DIAPH2: variants seen among roughly 807,000 people sequenced by gnomAD.
DIAPH2 encodes diaphanous related formin 2.
In DIAPH2, 35 loss-of-function variants were observed where a neutral mutation model predicts 92.7. The observed-to-expected ratio is 0.38, with a 90% CI of 0.29 to 0.50. The LOEUF (loss-of-function observed/expected upper bound fraction) is 0.50, where lower values mean the gene tolerates loss of function less well. Among genes scored for constraint, DIAPH2 ranks in the 20% least tolerant of loss-of-function variants. The probability of loss-of-function intolerance (pLI) is 0.94; values close to 1 mark genes in which losing one functional copy is unlikely to be tolerated. For synonymous variants in DIAPH2, 301 were observed against 280.4 expected (o/e 1.07, Z -0.73); for missense variants, 701 against 819.5 (o/e 0.86, Z 1.77).
At chrX:96,700,766 C>A (rs1383234991) in intron 1 of DIAPH2, among the ~76,000 whole-genome samples, 2 of 111,858 alleles carry the variant, frequency 1.8e-5, no homozygotes, top group Non-Finnish European at 3.8e-5. Context: ...ACTTGCTTCA[C>A]TTATCACCAG....
At chrX:96,833,957 C>T (rs184241374) in intron 4 of DIAPH2, among the ~76,000 whole-genome samples, 186 of 111,522 alleles carry the variant, frequency 1.7e-3, no homozygotes, top group African/African-American at 6.0e-3. Flanking sequence ...CCACCACGCC[C>T]GGCCAGGGGT....
intron 17 of DIAPH2, among the ~76,000 whole-genome samples, chrX:96,973,233 C>A (rs1036543007): frequency 9.0e-6 from 1 of 111,472 alleles, no homozygotes; most frequent in African/African-American, 3.3e-5. Context: ...CGTCGTGACT[C>A]ATGCCTATAA....
intron 26 of DIAPH2, among the ~76,000 whole-genome samples, chrX:97,524,920 A>G (rs1239534594): frequency 1.8e-5 from 2 of 112,432 alleles, no homozygotes; most frequent in Non-Finnish European, 3.8e-5. Flanking sequence ...TAAGGCTTGC[A>G]TAATGAAATG....
chrX:97,334,387 C>T (rs1452998529), intron 23 of DIAPH2, among the ~76,000 whole-genome samples: 374 of 81,954 alleles, frequency 4.6e-3, no homozygotes, highest in African/African-American at 5.4e-3. Context: ...GGCGTGAACC[C>T]GGGAGGCGGA....
intron 23 of DIAPH2, among the ~76,000 whole-genome samples, chrX:97,287,401 T>G (rs1489479255): frequency 8.9e-6 from 1 of 111,971 alleles, no homozygotes; most frequent in Non-Finnish European, 1.9e-5. Flanking sequence ...CACGTTTTTC[T>G]ATCTACTGTT....
intron 17 of DIAPH2, among the ~76,000 whole-genome samples, chrX:97,050,509 T>A (rs760453040): frequency 4.6e-5 from 5 of 108,386 alleles, no homozygotes; most frequent in Non-Finnish European, 9.7e-5. Context: ...TTTTTTTGTT[T>A]TTTTTTTTTT....
chrX:97,394,877 A>G (rs2069690614), intron 25 of DIAPH2, among the ~76,000 whole-genome samples: 1 of 111,583 alleles, frequency 9.0e-6, no homozygotes, highest in African/African-American at 3.3e-5. Flanking sequence ...CCTGTGATTG[A>G]AATGAGTTTA....
chrX:96,958,610 G>A (rs980475547), intron 16 of DIAPH2, among the ~76,000 whole-genome samples: 8 of 111,217 alleles, frequency 7.2e-5, no homozygotes, highest in Admixed American at 5.7e-4. Context: ...TAGTTATTTT[G>A]AAATATACAA....
At position 97,537,977 on chromosome X, in the gene DIAPH2, C is replaced by T. The variant is rs1376968846; in HGVS notation, c.3242-61276C>T. Among the ~76,000 whole-genome samples the T allele has an allele frequency of 7.4e-5, 8 of 107,625 alleles. No homozygotes were observed. In the East Asian group the frequency reaches 2.0e-3, roughly 27 times the overall value. The allele number at this position is 107,625 out of a possible 115,157, so 93.5% of individuals were successfully genotyped here. On this transcript the variant is annotated intron_variant, in intron 26 of 26. Transcript: ENST00000324765. ...TCGGCTCACTGCAAGCTCCGCCTCC[C>T]GGGTTCACGCCATTCTCCTGCCTCA...
chrX:96,714,779 A>G (rs1436424654), intron 1 of DIAPH2, among the ~76,000 whole-genome samples: 2 of 112,021 alleles, frequency 1.8e-5, no homozygotes, highest in African/African-American at 3.2e-5. Context: ...TTCCATAGTG[A>G]TTGATAACTA....
Position 97,390,835 on chromosome X carries a change from A to G in DIAPH2, c.3145+6791A>G, listed in dbSNP as rs1438878075. Among the ~76,000 whole-genome samples, 3 of 112,419 alleles carry G rather than the reference A, an allele frequency of 2.7e-5. No individual in the cohort carries two copies. In the Admixed American group the frequency reaches 2.8e-4, roughly 11 times the overall value. On this transcript the variant is annotated intron_variant, in intron 25 of 26. Transcript: ENST00000324765. The stretch of plus-strand genomic sequence containing the variant: ...CCTTTTCAAATGTCATTGAGACCGT[A>G]AGATAAATATCCAAATAAGTTTTTA...
intron 21 of DIAPH2, among the ~76,000 whole-genome samples, chrX:97,128,442 G>A (rs2067108752): frequency 9.0e-6 from 1 of 111,290 alleles, no homozygotes; most frequent in Admixed American, 9.5e-5. Context: ...TATCTCACCT[G>A]TGATTTCGAA....
At chrX:97,447,162 GT>G (rs2070318600) in intron 26 of DIAPH2, among the ~76,000 whole-genome samples, 1 of 110,747 alleles carries the variant, frequency 9.0e-6, no homozygotes, top group Non-Finnish European at 1.9e-5. Context: ...ATGGTTTCTG[GT>G]TTTCTTTTTC....
At chrX:96,814,126 C>A (rs1367619216) in intron 4 of DIAPH2, among the ~76,000 whole-genome samples, 2 of 111,930 alleles carry the variant, frequency 1.8e-5, no homozygotes, top group Non-Finnish European at 3.8e-5. Context: ...TGTTTTCCAA[C>A]TTGGTTCCAT....
rs181135003 is a variant in DIAPH2, at chrX:97,247,349, C to T, written c.2720-366C>T. Reference sequence around the variant, plus strand: ...CTTAAATCATTTATAGAGCTACTAACGTGCATTAATAACATCTCTTTGAAC... The same window carrying T: ...CTTAAATCATTTATAGAGCTACTAATGTGCATTAATAACATCTCTTTGAAC... On this transcript the variant is annotated intron_variant, in intron 22 of 26. Transcript: ENST00000324765. 1.6e-3 allele frequency among the ~76,000 whole-genome samples: 180 copies of T among 111,810 alleles called. 1 individual carries two copies. The highest frequency in any genetic ancestry group is 5.8e-3 in the African/African-American group (178 of 30,921).
chrX:97,272,440 G>GAA (rs1193768234), intron 23 of DIAPH2, among the ~76,000 whole-genome samples: 1 of 111,922 alleles, frequency 8.9e-6, no homozygotes, highest in African/African-American at 3.2e-5. Flanking sequence ...GAAAAGAAAA[G>GAA]AAAACTTTAA....
In DIAPH2 at chrX:96,935,046, A is replaced by G. The variant is rs777336697; in HGVS notation, c.1090-2187A>G. Among the ~76,000 whole-genome samples the G allele has an allele frequency of 2.7e-5, 3 of 111,753 alleles. No homozygotes were observed. The South Asian group carries it at 1.1e-3, about 42-fold the overall frequency. ...AGTGCACTATGTTATAGAAAATTAC[A>G]TATTTCAGGAATTCTGCAAAAAATA... is the stretch of plus-strand genomic sequence containing the variant. On this transcript the variant is annotated intron_variant, in intron 10 of 26. Coordinates refer to ENST00000324765, the MANE Select transcript of DIAPH2 (RefSeq NM_006729.5).
At chrX:97,038,363 T>A (rs2147884195) in intron 17 of DIAPH2, among the ~76,000 whole-genome samples, 1 of 111,226 alleles carries the variant, frequency 9.0e-6, no homozygotes, top group African/African-American at 3.3e-5. Context: ...TTATTTTCCT[T>A]TGAGTAGATA....
chrX:96,922,432 A>G (rs987653722), intron 9 of DIAPH2, among the ~76,000 whole-genome samples: 1 of 110,821 alleles, frequency 9.0e-6, no homozygotes, highest in Non-Finnish European at 1.9e-5. Context: ...TATAGTATTG[A>G]CTGTGAATCT....
Sources: allele counts gnomAD v4.1 joint callset (sites outside exome capture counted in the v4.1 genomes callset), GRCh38; gene constraint gnomAD v4.1.1; transcripts MANE v1.5; gene names NCBI Gene and HGNC (gene_info 2026-07-23, HGNC 2026-07-21).